The following PHACTR4 variants were observed in gnomAD, a reference collection of about 807,000 sequenced individuals.
PHACTR4 encodes protein phosphatase 1, regulatory subunit 124.
Under a neutral mutation model 72.7 loss-of-function variants are expected in PHACTR4, and 51 were observed. The observed-to-expected ratio is 0.70, with a 90% CI of 0.56 to 0.89. The LOEUF (loss-of-function observed/expected upper bound fraction) is 0.89. Among genes scored for constraint, PHACTR4 ranks in the 40% least tolerant of loss-of-function variants. The pLI, the probability that PHACTR4 is intolerant of heterozygous loss-of-function variation, is 0.00. For synonymous variants in PHACTR4, 255 were observed against 302.5 expected, an observed-to-expected ratio of 0.84 and a Z score of 1.63; for missense variants, 731 against 861.8, an observed-to-expected ratio of 0.85 and a Z score of 1.90.
intron 1 of PHACTR4, among the ~76,000 whole-genome samples, chr1:28,376,084 AC>A (rs1336667875): frequency 8.6e-5 from 13 of 151,888 alleles, no homozygotes; most frequent in African/African-American, 2.4e-4. Context: ...AAACAAACAA[AC>A]AAACAAAAAA....
chr1:28,388,433 C>T (rs1185459563), intron 1 of PHACTR4, among the ~76,000 whole-genome samples: 1 of 152,118 alleles, frequency 6.6e-6, no homozygotes. Context: ...AATTGATTTT[C>T]GACAAAGATG....
intron 5 of PHACTR4, among the ~76,000 whole-genome samples, chr1:28,466,065 GTTAAGTATCAGATACCTATAGGA>G (rs1235274933): frequency 6.6e-6 from 1 of 152,264 alleles, no homozygotes; most frequent in Middle Eastern, 3.4e-3. Context: ...GGAAGAGGAT[GTTAAGTATCAGATACCTATAGGA>G]TTTTTTCCAG....
chr1:28,456,034 AT>A (rs910781187), intron 2 of PHACTR4, among the ~76,000 whole-genome samples: 33 of 149,414 alleles, frequency 2.2e-4, no homozygotes, highest in Non-Finnish European at 7.5e-5. Flanking sequence ...TGTATCAACT[AT>A]TTTTTTTTTG....
intron 4 of PHACTR4, 27 bp from the exon 5 acceptor site, chr1:28,465,658 A>G: frequency 3.1e-6 from 5 of 1,599,388 alleles, no homozygotes; most frequent in Non-Finnish European, 4.3e-6. Context: ...CAACTTCATC[A>G]CTTTGTACTC....
intron 2 of PHACTR4, among the ~76,000 whole-genome samples, chr1:28,439,025 T>C (rs1240164398): frequency 6.6e-6 from 1 of 152,182 alleles, no homozygotes; most frequent in Non-Finnish European, 1.5e-5. Flanking sequence ...ATTGTGAGTA[T>C]AGCTCAGAGT....
At chr1:28,424,923 A>AAGCTG (rs1011801091) in intron 2 of PHACTR4, among the ~76,000 whole-genome samples, 2 of 151,698 alleles carry the variant, frequency 1.3e-5, no homozygotes, top group African/African-American at 4.8e-5. Context: ...GCCTCCTGGG[A>AAGCTG]AGCTGGGGTT....
At chr1:28,372,606 C>T (rs1470551844) in intron 1 of PHACTR4, among the ~76,000 whole-genome samples, 4 of 152,036 alleles carry the variant, frequency 2.6e-5, no homozygotes, top group Admixed American at 2.6e-4. Flanking sequence ...AATCCCAGCA[C>T]TTTGGGAGGC....
intron 6 of PHACTR4, 182 bp downstream of exon 6, chr1:28,466,950 C>T (rs559521565): frequency 5.9e-6 from 5 of 842,884 alleles, no homozygotes; most frequent in African/African-American, 1.7e-5. Context: ...TGCGGTGGCT[C>T]ACGCCTGTAA....
intron 2 of PHACTR4, among the ~76,000 whole-genome samples, chr1:28,457,528 G>A (rs1463908055): frequency 2.6e-5 from 4 of 151,936 alleles, no homozygotes; most frequent in African/African-American, 9.7e-5. Context: ...ATTTGAGATC[G>A]GGAATTTGAG....
Position 28,473,539 on chromosome 1 carries a change from C to T in PHACTR4, c.824-15C>T. The T allele has an allele frequency of 1.3e-6, 2 of 1,560,076 alleles. No individual in the cohort carries two copies. The highest frequency in any genetic ancestry group is 1.7e-4 in the Middle Eastern group (1 of 5,884). ...GGAAAGTCGTGAAATTGATGTGTTG[C>T]TCTCTCTTTTCCAGCTGAACTGTCC... On this transcript the variant is annotated splice_polypyrimidine_tract_variant and intron_variant, in intron 6 of 13. Coordinates refer to ENST00000373839, the MANE Select transcript of PHACTR4 (RefSeq NM_001048183.3).
At chr1:28,378,353 A>G (rs1313689453) in intron 1 of PHACTR4, among the ~76,000 whole-genome samples, 2 of 149,322 alleles carry the variant, frequency 1.3e-5, no homozygotes, top group Non-Finnish European at 3.0e-5. Context: ...AAAAAAAAAA[A>G]ATTGGCTGCG....
chr1:28,495,110 T>A (rs1376232147), intron 13 of PHACTR4, among the ~76,000 whole-genome samples: 1 of 152,154 alleles, frequency 6.6e-6, no homozygotes, highest in Non-Finnish European at 1.5e-5. Flanking sequence ...CTCTGATATT[T>A]TTAACTTGTA....
intron 6 of PHACTR4, among the ~76,000 whole-genome samples, chr1:28,472,859 T>C (rs535933133): frequency 8.6e-5 from 12 of 138,860 alleles, no homozygotes; most frequent in African/African-American, 2.1e-4. Flanking sequence ...CTAAGTAATC[T>C]GCCCACCTCG....
In PHACTR4 at chr1:28,466,553, C is replaced by G; in HGVS notation, c.608C>G (p.Ser203Cys). 1 of 1,614,110 alleles carries G rather than the reference C, an allele frequency of 6.2e-7. No homozygotes were observed. The highest frequency in any genetic ancestry group is 8.5e-7 in the Non-Finnish European group (1 of 1,180,024). ...GGTARFIIST[S>C]ITTAPAATTA... ...ACGGCAAGGTTCATCATCTCCACCTCCATCACCACAGCACCCGCTGCCACC... is the reference window on the plus strand; with the variant it reads ...ACGGCAAGGTTCATCATCTCCACCTGCATCACCACAGCACCCGCTGCCACC... Residue 203 changes from serine (S) to cysteine (C), a missense_variant, in exon 6 of 14, where the codon TCC becomes TGC. By Grantham distance (112) the Ser-to-Cys change is moderately radical. Transcript: ENST00000373839.
chr1:28,400,659 A>G (rs1281730694), intron 1 of PHACTR4, among the ~76,000 whole-genome samples: 2 of 151,906 alleles, frequency 1.3e-5, no homozygotes, highest in Non-Finnish European at 2.9e-5. Flanking sequence ...AGCTTAGTGC[A>G]ACCTCTGCCT....
intron 4 of PHACTR4, among the ~76,000 whole-genome samples, chr1:28,464,178 C>G (rs1298453927): frequency 6.6e-6 from 1 of 151,664 alleles, no homozygotes; most frequent in Non-Finnish European, 1.5e-5. Flanking sequence ...GTTGGCCAGG[C>G]TGGTCTCAAA....
intron 6 of PHACTR4, among the ~76,000 whole-genome samples, chr1:28,472,017 C>T (rs1659589829): frequency 6.6e-6 from 1 of 152,012 alleles, no homozygotes; most frequent in African/African-American, 2.4e-5. Context: ...TGAGACCATC[C>T]TGGCTAACAT....
intron 9 of PHACTR4, among the ~76,000 whole-genome samples, chr1:28,487,908 G>T (rs570475174): frequency 6.6e-6 from 1 of 151,322 alleles, no homozygotes; most frequent in East Asian, 2.0e-4. Flanking sequence ...GCTAATTTTT[G>T]TATTTTTCAG....
intron 8 of PHACTR4, among the ~76,000 whole-genome samples, chr1:28,479,914 A>C (rs187498998): frequency 2.9e-4 from 44 of 152,294 alleles, no homozygotes; most frequent in Admixed American, 2.6e-4. Context: ...AACAAACAAA[A>C]AAACCAACAA....
Sources: allele counts gnomAD v4.1 joint callset (sites outside exome capture counted in the v4.1 genomes callset), GRCh38; gene constraint gnomAD v4.1.1; transcripts MANE v1.5; gene names NCBI Gene and HGNC (gene_info 2026-07-23, HGNC 2026-07-21).